The following TNS3 variants were observed in gnomAD, a reference collection of about 807,000 sequenced individuals.
TNS3 encodes the protein tensin-3.
A neutral mutation model predicts 140.9 loss-of-function variants in TNS3; 45 were observed. The ratio of observed to expected loss-of-function variants is 0.32; its 90% CI spans 0.25 to 0.41. TNS3 has a LOEUF of 0.41. TNS3 is among the 10% of genes least tolerant of loss of function. The pLI is 1.00. For missense variants in TNS3, 1,716 were observed against 1,906.7 expected (o/e 0.90, Z 1.86); for synonymous variants, 815 against 788.4 (o/e 1.03, Z -0.56).
chr7:47,336,540 G>C (rs1052720170), intron 20 of TNS3, among the ~76,000 whole-genome samples: 9 of 152,136 alleles, frequency 5.9e-5, no homozygotes, highest in Admixed American at 5.9e-4. Flanking sequence ...ATTGTTTATT[G>C]AAGAATCGCT....
chr7:47,474,213 TCA>T (rs1797076144), intron 4 of TNS3, among the ~76,000 whole-genome samples: 1 of 114,242 alleles, frequency 8.8e-6, no homozygotes, highest in Non-Finnish European at 1.8e-5. Context: ...AAAAAACACC[TCA>T]CACACAACAC....
At chr7:47,337,844 T>C (rs1305534377) in intron 20 of TNS3, among the ~76,000 whole-genome samples, 1 of 152,204 alleles carries the variant, frequency 6.6e-6, no homozygotes, top group African/African-American at 2.4e-5. Flanking sequence ...CCTGTTGCCT[T>C]TTTGGCTACT....
intron 20 of TNS3, among the ~76,000 whole-genome samples, chr7:47,316,645 A>G (rs1352840801): frequency 1.3e-5 from 2 of 151,528 alleles, no homozygotes; most frequent in South Asian, 2.1e-4. Context: ...CCTGGCCAAC[A>G]TTGTGAAACA....
At chr7:47,516,324 T>C (rs1798777348) in intron 2 of TNS3, among the ~76,000 whole-genome samples, 1 of 152,178 alleles carries the variant, frequency 6.6e-6, no homozygotes, top group Non-Finnish European at 1.5e-5. Context: ...GAGCAGCCCA[T>C]CCCTGACTCT....
At position 47,497,721 on chromosome 7, in the gene TNS3, CTCTTT is replaced by C. The variant is rs549824320; in HGVS notation, c.-115+9181_-115+9185del. Among the ~76,000 whole-genome samples the C allele has an allele frequency of 1.4e-3, 205 of 145,700 alleles. 4 individuals are homozygous for C. Among genetic ancestry groups the C allele is most frequent in the African/African-American group, 4.9e-3 (194 of 39,970 alleles). ...CAGAGCAGGAAATGTTCACCGCGTG[CTCTTT>C]TCTTTTGTTTTTGTTTACACTGGAG... On this transcript the variant is annotated intron_variant, in intron 3 of 30. Coordinates refer to ENST00000311160, the MANE Select transcript of TNS3 (RefSeq NM_022748.12).
chr7:47,553,847 GGT>G (rs1800123729), intron 1 of TNS3, among the ~76,000 whole-genome samples: 1 of 151,700 alleles, frequency 6.6e-6, no homozygotes, highest in Non-Finnish European at 1.5e-5. Context: ...GGAGTGCAAT[GGT>G]GCAATCTCGG....
intron 17 of TNS3, among the ~76,000 whole-genome samples, chr7:47,364,202 T>C (rs1790559787): frequency 6.6e-6 from 1 of 151,996 alleles, no homozygotes; most frequent in African/African-American, 2.4e-5. Flanking sequence ...GTGTTTTCTA[T>C]ACCTGCTAGT....
At chr7:47,511,223 G>A (rs1229207980) in intron 2 of TNS3, among the ~76,000 whole-genome samples, 1 of 152,134 alleles carries the variant, frequency 6.6e-6, no homozygotes, top group East Asian at 1.9e-4. Context: ...TAGCTACAAT[G>A]GCCGGAAAAG....
Position 47,439,585 on chromosome 7 carries a change from C to A in TNS3, c.52G>T (p.Ala18Ser), listed in dbSNP as rs778648066. 1.2e-6 allele frequency: 2 copies of A among 1,614,060 alleles called. No individual in the cohort carries two copies. The highest frequency in any genetic ancestry group is 1.7e-6 in the Non-Finnish European group (2 of 1,179,994). Residue 18 changes from alanine to serine, a missense_variant, in exon 6 of 31, where the codon GCT (alanine) becomes TCT (serine). This residue lies in a region of TNS3 where 337 missense variants were observed against 428.9 expected (regional missense o/e 0.79). Transcript: ENST00000311160. ...DLTYITERII[A>S]VSFPAGCSEE... Reference sequence around the variant, plus strand: ...GAGCAGCCGGCAGGGAAGGACACAGCGATGATGCGCTCCGTGATGTAAGTG... The same window carrying A: ...GAGCAGCCGGCAGGGAAGGACACAGAGATGATGCGCTCCGTGATGTAAGTG...
intron 9 of TNS3, among the ~76,000 whole-genome samples, chr7:47,427,016 C>T (rs1327714820): frequency 6.6e-6 from 1 of 151,352 alleles, no homozygotes; most frequent in African/African-American, 2.4e-5. Flanking sequence ...ATCCCAGCTA[C>T]TCAGGAGGCT....
chr7:47,498,103 G>A (rs1000707831), intron 3 of TNS3, among the ~76,000 whole-genome samples: 5 of 152,192 alleles, frequency 3.3e-5, no homozygotes, highest in African/African-American at 1.2e-4. Flanking sequence ...CTCAAGTAAT[G>A]GAGGTTCTGC....
chr7:47,337,768 C>T (rs1278632662), intron 20 of TNS3, among the ~76,000 whole-genome samples: 1 of 152,228 alleles, frequency 6.6e-6, no homozygotes, highest in Non-Finnish European at 1.5e-5. Context: ...CTGGGAACTA[C>T]AGAGAACGGC....
intron 15 of TNS3, among the ~76,000 whole-genome samples, chr7:47,398,855 A>T (rs1484956815): frequency 6.6e-6 from 1 of 152,168 alleles, no homozygotes; most frequent in East Asian, 1.9e-4. Flanking sequence ...AATAAAGGGC[A>T]CCTAAATCGG....
At chr7:47,325,548 A>G (rs370212423) in intron 20 of TNS3, among the ~76,000 whole-genome samples, 15 of 152,294 alleles carry the variant, frequency 9.8e-5, no homozygotes, top group African/African-American at 2.6e-4. Context: ...TCCTGGTAAA[A>G]TCACAGTGAG....
intron 3 of TNS3, among the ~76,000 whole-genome samples, chr7:47,482,546 A>G (rs1231611273): frequency 6.6e-6 from 1 of 152,246 alleles, no homozygotes; most frequent in Non-Finnish European, 1.5e-5. Flanking sequence ...TGGCGGAAAC[A>G]GCCGGACAAG....
In TNS3 at chr7:47,440,279, C is replaced by A. The variant is rs1009291688; in HGVS notation, c.-22-621G>T. ...GGACCTCACGTGGAGAGGGGACCAGCTGGGGCATAATCAAAGCGGCCTTTC... is the reference window on the plus strand; with the variant it reads ...GGACCTCACGTGGAGAGGGGACCAGATGGGGCATAATCAAAGCGGCCTTTC... On this transcript the variant is annotated intron_variant, in intron 5 of 30. Transcript: ENST00000311160. Among the ~76,000 whole-genome samples, 12 of 152,072 alleles carry A rather than the reference C, an allele frequency of 7.9e-5. No homozygotes were observed. The South Asian group carries it at 2.5e-3, about 32-fold the overall frequency.
chr7:47,317,908 T>G (rs1787503611), intron 20 of TNS3, among the ~76,000 whole-genome samples: 1 of 152,240 alleles, frequency 6.6e-6, no homozygotes, highest in Admixed American at 6.5e-5. Flanking sequence ...CACCCACAGC[T>G]GCTCAGTGAG....
chr7:47,441,197 C>T (rs1441673438), intron 5 of TNS3, among the ~76,000 whole-genome samples: 2 of 151,778 alleles, frequency 1.3e-5, no homozygotes, highest in African/African-American at 4.8e-5. Flanking sequence ...TTTATTTTTT[C>T]GAGACAGAGT....
At chr7:47,362,383 C>T (rs1790385804) in intron 17 of TNS3, among the ~76,000 whole-genome samples, 1 of 152,068 alleles carries the variant, frequency 6.6e-6, no homozygotes, top group Admixed American at 6.5e-5. Flanking sequence ...CTACACTGTC[C>T]AGCGATAAAT....
Sources: gnomAD v4.1 joint callset for allele counts (sites outside exome capture counted in the v4.1 genomes callset) on GRCh38, gnomAD v4.1.1 for gene constraint, gnomAD v4.1.1 regional missense constraint, MANE v1.5 for transcripts, NCBI Gene and HGNC (gene_info 2026-07-23, HGNC 2026-07-21) for gene names.